Variants in FSTL4 observed in about 807,000 individuals in gnomAD.
FSTL4 encodes follistatin like 4.
A neutral mutation model predicts 78.2 loss-of-function variants in FSTL4; 28 were observed. The ratio of observed to expected loss-of-function variants is 0.36; its 90% CI spans 0.27 to 0.49. The LOEUF is 0.49. FSTL4 is among the 20% of genes least tolerant of loss of function. The pLI is 0.98. For missense variants in FSTL4, 922 were observed against 1,084.9 expected (o/e 0.85, Z 2.11); for synonymous variants, 422 against 440.5 (o/e 0.96, Z 0.53).
intron 3 of FSTL4, among the ~76,000 whole-genome samples, chr5:133,406,628 G>A (rs978203704): frequency 6.6e-6 from 1 of 152,166 alleles, no homozygotes; most frequent in Non-Finnish European, 1.5e-5. Context: ...TTCAAGGGTT[G>A]GGATGAGAAT....
chr5:133,646,596 A>G, the FSTL4 span, among the ~76,000 whole-genome samples: 2 of 152,196 alleles, frequency 1.3e-5, no homozygotes, highest in African/African-American at 4.8e-5. Flanking sequence ...ACAGCTTTCC[A>G]GGGAAGCGGT....
chr5:133,448,736 GGGC>G lies in FSTL4; in HGVS notation c.161-47753_161-47751del, dbSNP rs202194704. 7.5e-4 allele frequency among the ~76,000 whole-genome samples: 104 copies of G among 138,626 alleles called. 1 individual carries two copies. In the Middle Eastern group the frequency reaches 0.018, roughly 24 times the overall value. The allele number at this position is 138,626 out of a possible 152,430, so 90.9% of individuals were successfully genotyped here. ...GGCTTCAGAATCCCCAGGGGTGCGG[GGGC>G]GGGGGGGGGGGGCGCTCAGAATTTT... On this transcript the variant is annotated intron_variant, in intron 3 of 15. Transcript: ENST00000265342.
chr5:133,247,495 A>G (rs913601512), intron 7 of FSTL4: 1 of 152,176 alleles, frequency 6.6e-6, no homozygotes, highest in African/African-American at 2.4e-5. Flanking sequence ...CCCAGTACTG[A>G]TCAATCTTTC....
intron 6 of FSTL4, among the ~76,000 whole-genome samples, chr5:133,308,565 G>A (rs1039431185): frequency 6.6e-6 from 1 of 152,232 alleles, no homozygotes; most frequent in Non-Finnish European, 1.5e-5. Flanking sequence ...GATAGCATGT[G>A]TGGAAGTCTG....
chr5:133,534,330 C>T (rs1759310843), intron 3 of FSTL4, among the ~76,000 whole-genome samples: 4 of 152,138 alleles, frequency 2.6e-5, no homozygotes, highest in Admixed American at 2.6e-4. Flanking sequence ...TGAGTCGAGG[C>T]CTTCTCTGCC....
At chr5:133,358,540 T>C (rs1180664317) in intron 4 of FSTL4, among the ~76,000 whole-genome samples, 1 of 151,528 alleles carries the variant, frequency 6.6e-6, no homozygotes, top group Non-Finnish European at 1.5e-5. Flanking sequence ...GTGCTGCTGA[T>C]ACCTTGTGTT....
intron 3 of FSTL4, among the ~76,000 whole-genome samples, chr5:133,537,911 A>T (rs974833818): frequency 1.3e-5 from 2 of 151,742 alleles, no homozygotes; most frequent in African/African-American, 4.9e-5. Context: ...ATACATATAT[A>T]AACACAGTAC....
chr5:133,393,565 C>T (rs1755912616), intron 4 of FSTL4, among the ~76,000 whole-genome samples: 1 of 152,200 alleles, frequency 6.6e-6, no homozygotes, highest in Non-Finnish European at 1.5e-5. Context: ...GGCTACTGGA[C>T]AGAAATGTGG....
At chr5:133,455,760 A>T (rs1384158085) in intron 3 of FSTL4, among the ~76,000 whole-genome samples, 1 of 152,236 alleles carries the variant, frequency 6.6e-6, no homozygotes, top group African/African-American at 2.4e-5. Flanking sequence ...GTCAAAAGGC[A>T]AAGGGTTGGT....
Position 133,258,994 on chromosome 5 carries a change from T to A in FSTL4, c.728-9418A>T, listed in dbSNP as rs150163392. Among the ~76,000 whole-genome samples, 212 of 152,228 alleles carry A rather than the reference T, an allele frequency of 1.4e-3. 2 individuals carry two copies. The highest frequency in any genetic ancestry group is 4.8e-3 in the African/African-American group (200 of 41,536). On this transcript the variant is annotated intron_variant, in intron 6 of 15. Coordinates refer to ENST00000265342, the MANE Select transcript of FSTL4 (RefSeq NM_015082.2). ...AGCTCACTCCTTCACTCCACATCTG[T>A]ATCTGTTGCTACAGCGTCCAAACTG...
At chr5:133,427,507 G>A (rs1332401193) in intron 3 of FSTL4, 4 of 433,084 alleles carry the variant, frequency 9.2e-6, no homozygotes, top group South Asian at 3.6e-5. Flanking sequence ...GTGTGTTGCG[G>A]GGGTGGGAGT....
chr5:133,442,752 C>G (rs1457754275), intron 3 of FSTL4, among the ~76,000 whole-genome samples: 1 of 152,018 alleles, frequency 6.6e-6, no homozygotes, highest in Non-Finnish European at 1.5e-5. Context: ...CATAGAGGCT[C>G]AATCAGGCTT....
intron 3 of FSTL4, among the ~76,000 whole-genome samples, chr5:133,528,084 C>A (rs6868627): frequency 0.26 from 39,244 of 152,220 alleles, 5,284 homozygotes; most frequent in East Asian, 0.38. Context: ...CAGGTGTACA[C>A]AGTGGAACAG....
chr5:133,242,349 C>T (rs1188732812), intron 7 of FSTL4, among the ~76,000 whole-genome samples: 1 of 152,092 alleles, frequency 6.6e-6, no homozygotes, highest in Non-Finnish European at 1.5e-5. Context: ...AATCGGCCTC[C>T]TTCATTGACT....
chr5:133,718,344 G>A, the FSTL4 span, among the ~76,000 whole-genome samples: 1 of 152,150 alleles, frequency 6.6e-6, no homozygotes, highest in Non-Finnish European at 1.5e-5. Context: ...CTCCCAAAAT[G>A]CTGGGATTAC....
chr5:133,621,358 C>G, the FSTL4 span, among the ~76,000 whole-genome samples: 1 of 152,172 alleles, frequency 6.6e-6, no homozygotes, highest in African/African-American at 2.4e-5. Context: ...CGAGATCATG[C>G]CCCTGCACTC....
intron 3 of FSTL4, among the ~76,000 whole-genome samples, chr5:133,473,326 T>A (rs917210104): frequency 5.3e-5 from 8 of 152,196 alleles, no homozygotes; most frequent in Admixed American, 5.2e-4. Flanking sequence ...GTCTGCAGTA[T>A]CAGCGACAGG....
At chr5:133,612,963 G>A (rs1402021285), upstream of FSTL4, among the ~76,000 whole-genome samples, 2 of 152,170 alleles carry the variant, frequency 1.3e-5, no homozygotes, top group African/African-American at 4.8e-5. This position sits in a 1 kb window ranked among gnomAD's most constrained non-coding sequence, Gnocchi z 6.2. Context: ...GAAATCCCCC[G>A]CCGTTGAGAC....
chr5:133,519,876 A>AATAC (rs1215196200), intron 3 of FSTL4, among the ~76,000 whole-genome samples: 2 of 152,302 alleles, frequency 1.3e-5, no homozygotes, highest in African/African-American at 4.8e-5. Context: ...TAGGCAGGAG[A>AATAC]TGTAGGTGTC....
Sources: gnomAD v4.1 joint callset for allele counts (sites outside exome capture counted in the v4.1 genomes callset) on GRCh38, gnomAD v4.1.1 for gene constraint, Gnocchi (gnomAD v3.1) non-coding constraint, MANE v1.5 for transcripts, NCBI Gene and HGNC (gene_info 2026-07-23, HGNC 2026-07-21) for gene names.